The following ASTN2 variants were observed in gnomAD, a reference collection of about 807,000 sequenced individuals.
The protein encoded by ASTN2 is astrotactin-2.
In ASTN2, 54 loss-of-function variants were observed where a neutral mutation model predicts 139.8. That is an observed-to-expected ratio of 0.39 (90% CI 0.31 to 0.48). The LOEUF (loss-of-function observed/expected upper bound fraction) is 0.48. Ranked by LOEUF, ASTN2 falls within the 20% of genes least tolerant of loss-of-function variation. The pLI, the probability that ASTN2 is intolerant of heterozygous loss-of-function variation, is 0.95. For missense variants in ASTN2, 1,565 were observed against 1,725.1 expected, an observed-to-expected ratio of 0.91 and a Z score of 1.64; for synonymous variants, 756 against 719.5, an observed-to-expected ratio of 1.05 and a Z score of -0.81.
At chr9:116,527,054 A>C (rs1851124887) in intron 19 of ASTN2, among the ~76,000 whole-genome samples, 1 of 152,206 alleles carries the variant, frequency 6.6e-6, no homozygotes, top group African/African-American at 2.4e-5. Context: ...AATGAAGCAA[A>C]GACTTAAATA....
chr9:117,372,785 C>G (rs1249327619), intron 1 of ASTN2, among the ~76,000 whole-genome samples: 4 of 152,122 alleles, frequency 2.6e-5, no homozygotes, highest in Non-Finnish European at 5.9e-5. Context: ...CACTTTTTCC[C>G]TGCTAACCCC....
At chr9:116,619,039 G>T (rs754041843) in intron 18 of ASTN2, among the ~76,000 whole-genome samples, 1 of 152,010 alleles carries the variant, frequency 6.6e-6, no homozygotes, top group African/African-American at 2.4e-5. Flanking sequence ...AGGGGGAAAG[G>T]CTCAAAAAAA....
rs1200249805 is a variant in ASTN2 at position 117,386,145 on chromosome 9, G to GA, written c.442+28351_442+28352insT. On this transcript the variant is annotated intron_variant, in intron 1 of 22. Coordinates refer to ENST00000313400, the MANE Select transcript of ASTN2 (RefSeq NM_001365068.1). ...TGACAAAGATCAGGAGGAAAGGAGGGGAAAAAAAAAAGCAGACATTTCATA... is the reference window on the plus strand; with the variant it reads ...TGACAAAGATCAGGAGGAAAGGAGGGAGAAAAAAAAAAGCAGACATTTCATA... Among the ~76,000 whole-genome samples the GA allele has an allele frequency of 2.8e-3, 425 of 150,392 alleles. 2 individuals carry two copies. Among genetic ancestry groups the GA allele is most frequent in the Non-Finnish European group, 4.4e-3 (296 of 67,612 alleles).
At chr9:116,735,108 A>G (rs1016547375) in intron 13 of ASTN2, among the ~76,000 whole-genome samples, 2 of 152,218 alleles carry the variant, frequency 1.3e-5, no homozygotes, top group African/African-American at 4.8e-5. Flanking sequence ...GAGCTGGGAT[A>G]CGAACCCAGG....
chr9:116,863,533 G>A, intron 11 of ASTN2, 50 bp downstream of exon 11: 1 of 1,591,694 alleles, frequency 6.3e-7, no homozygotes, highest in East Asian at 2.2e-5. Context: ...TCTAGCAGGT[G>A]GCCTTAGCCC....
chr9:117,063,174 T>C (rs1419821580), intron 5 of ASTN2, among the ~76,000 whole-genome samples: 1 of 152,240 alleles, frequency 6.6e-6, no homozygotes, highest in African/African-American at 2.4e-5. Flanking sequence ...CATGGTAATA[T>C]GTTAACTAGA....
chr9:117,019,604 G>A (rs1016748608), intron 6 of ASTN2, among the ~76,000 whole-genome samples: 4 of 152,066 alleles, frequency 2.6e-5, no homozygotes, highest in Non-Finnish European at 4.4e-5. Flanking sequence ...GTTTTTATTC[G>A]AGGGCCAAAT....
intron 3 of ASTN2, among the ~76,000 whole-genome samples, chr9:117,202,577 T>C (rs1007967712): frequency 1.3e-4 from 20 of 152,284 alleles, no homozygotes; most frequent in African/African-American, 4.6e-4. Context: ...GGAAAAGATT[T>C]TCTTTGTCCT....
chr9:116,958,513 C>T (rs191140947), intron 10 of ASTN2, among the ~76,000 whole-genome samples: 9 of 152,104 alleles, frequency 5.9e-5, no homozygotes, highest in East Asian at 1.9e-4. Context: ...GGCATGAACC[C>T]GGGAGGTGGA....
At chr9:116,454,209 T>G (rs1848257805) in intron 20 of ASTN2, among the ~76,000 whole-genome samples, 1 of 152,166 alleles carries the variant, frequency 6.6e-6, no homozygotes, top group African/African-American at 2.4e-5. Flanking sequence ...CCAATATCCC[T>G]TATATAGATA....
chr9:117,312,362 C>T (rs1828000465), intron 1 of ASTN2, among the ~76,000 whole-genome samples: 1 of 152,128 alleles, frequency 6.6e-6, no homozygotes, highest in South Asian at 2.1e-4. Context: ...TTAGGTGCTA[C>T]AAGGTCTTTA....
chr9:117,110,104 A>G (rs927590505), intron 4 of ASTN2, among the ~76,000 whole-genome samples: 1 of 152,118 alleles, frequency 6.6e-6, no homozygotes, highest in Non-Finnish European at 1.5e-5. Flanking sequence ...TTTGGTTATA[A>G]TTTTTCATCT....
intron 4 of ASTN2, 80 bp from the exon 5 acceptor site, chr9:117,096,231 G>T (rs1468480785): frequency 1.1e-5 from 12 of 1,133,204 alleles, no homozygotes; most frequent in East Asian, 2.5e-5. Context: ...CCAGAGATCA[G>T]CAATCCCATC....
At position 116,825,755 on chromosome 9, in the gene ASTN2, G is replaced by A. The variant is rs1588325151; in HGVS notation, c.2041-4972C>T. On this transcript the variant is annotated intron_variant, in intron 11 of 22. Coordinates refer to ENST00000313400, the MANE Select transcript of ASTN2 (RefSeq NM_001365068.1). ...CTGTGAGAGAAACTCTCAACCTACT[G>A]GGGCCTTTGGCCTGACATACGAAGT... Among the ~76,000 whole-genome samples, 3 of 152,318 alleles carry A rather than the reference G, an allele frequency of 2.0e-5. 1 individual carries two copies. The South Asian group carries it at 6.2e-4, about 32-fold the overall frequency.
At chr9:117,388,712 C>T (rs759431541) in intron 1 of ASTN2, among the ~76,000 whole-genome samples, 8 of 152,248 alleles carry the variant, frequency 5.3e-5, no homozygotes, top group South Asian at 4.1e-4. Context: ...CAGCCTGTGA[C>T]GGCCTGGGCT....
At chr9:117,390,950 C>A (rs1830524074) in intron 1 of ASTN2, among the ~76,000 whole-genome samples, 2 of 152,264 alleles carry the variant, frequency 1.3e-5, no homozygotes, top group South Asian at 4.1e-4. Context: ...TTTAATTGGC[C>A]TAAGGTAGAT....
chr9:116,533,067 T>G (rs10983222), intron 19 of ASTN2, among the ~76,000 whole-genome samples: 2,367 of 152,242 alleles, frequency 0.016, 36 homozygotes, highest in African/African-American at 0.039. Flanking sequence ...CCTTGAAGAG[T>G]TCCTTCACAT....
chr9:117,110,740 G>T (rs781336682), intron 4 of ASTN2, among the ~76,000 whole-genome samples: 4 of 152,212 alleles, frequency 2.6e-5, no homozygotes, highest in Non-Finnish European at 5.9e-5. Flanking sequence ...AGCACAGGAT[G>T]AATTTCTCAT....
chr9:116,616,510 T>C (rs1305635331), intron 19 of ASTN2, among the ~76,000 whole-genome samples: 1 of 152,228 alleles, frequency 6.6e-6, no homozygotes, highest in Admixed American at 6.5e-5. Flanking sequence ...GGCTCTGTCA[T>C]ACGTGTTTAT....
Sources: gnomAD v4.1 joint callset for allele counts (sites outside exome capture counted in the v4.1 genomes callset) on GRCh38, gnomAD v4.1.1 for gene constraint, MANE v1.5 for transcripts, NCBI Gene and HGNC (gene_info 2026-07-23, HGNC 2026-07-21) for gene names.